The following TUT1 variants were observed in gnomAD, a reference collection of about 807,000 sequenced individuals.
The protein encoded by TUT1 is terminal uridylyl transferase 1, U6 snRNA-specific.
TUT1 carries 26 observed loss-of-function variants against 48.8 expected under a neutral mutation model. That is an observed-to-expected ratio of 0.53 (90% CI 0.39 to 0.74). The LOEUF (loss-of-function observed/expected upper bound fraction) is 0.74, where lower values mean the gene tolerates loss of function less well. Among genes scored for constraint, TUT1 ranks in the 30% least tolerant of loss-of-function variants. The pLI is 0.00. For missense variants in TUT1, 1,065 were observed against 1,114.8 expected, an observed-to-expected ratio of 0.96 and a Z score of 0.64; for synonymous variants, 470 against 460.8, an observed-to-expected ratio of 1.02 and a Z score of -0.26.
At chr11:62,579,056 A>C in intron 4 of TUT1, 26 bp from the exon 5 acceptor site, 1 of 1,470,078 alleles carries the variant, frequency 6.8e-7, no homozygotes, top group Admixed American at 2.5e-5. Context: ...AACTGAGTGA[A>C]ATGTTTCTGC....
chr11:62,585,440 A>G (rs1941895681), intron 2 of TUT1, among the ~76,000 whole-genome samples: 1 of 152,198 alleles, frequency 6.6e-6, no homozygotes, highest in Admixed American at 6.5e-5. Context: ...AAAGCCCCAG[A>G]TGGAAATTAA....
At chr11:62,583,141 A>G (rs1310079899) in intron 2 of TUT1, among the ~76,000 whole-genome samples, 1 of 151,926 alleles carries the variant, frequency 6.6e-6, no homozygotes, top group Non-Finnish European at 1.5e-5. Flanking sequence ...AAAAAAAAAA[A>G]AAAAAAAATC....
At chr11:62,581,983 A>C (rs1160971869) in intron 2 of TUT1, among the ~76,000 whole-genome samples, 2 of 151,896 alleles carry the variant, frequency 1.3e-5, no homozygotes, top group East Asian at 3.9e-4. Context: ...CCATCTCTAC[A>C]AACAATTTTT....
At chr11:62,583,504 G>A (rs1369480548) in intron 2 of TUT1, among the ~76,000 whole-genome samples, 1 of 151,940 alleles carries the variant, frequency 6.6e-6, no homozygotes. Flanking sequence ...AGCTACTCAG[G>A]AGGCAATTGC....
At chr11:62,576,553 A>G in intron 8 of TUT1, 104 bp downstream of exon 8, 4 of 1,050,770 alleles carry the variant, frequency 3.8e-6, no homozygotes, top group Non-Finnish European at 5.7e-6. Flanking sequence ...GGTATCTCAC[A>G]GGCTTTCTGT....
intron 2 of TUT1, among the ~76,000 whole-genome samples, chr11:62,587,403 A>G (rs935624254): frequency 1.6e-4 from 25 of 151,704 alleles, no homozygotes; most frequent in African/African-American, 6.1e-4. Flanking sequence ...CTGATCTCGA[A>G]CTCCCGACCT....
At chr11:62,576,872 A>G in intron 7 of TUT1, 35 bp downstream of exon 7, 1 of 1,606,414 alleles carries the variant, frequency 6.2e-7, no homozygotes, top group Non-Finnish European at 8.5e-7. Context: ...AGAGGAAACT[A>G]ACAAGATGGA....
intron 2 of TUT1, among the ~76,000 whole-genome samples, chr11:62,583,425 C>T (rs956278566): frequency 1.3e-5 from 2 of 152,040 alleles, no homozygotes; most frequent in African/African-American, 4.8e-5. Context: ...GCCTGACCAA[C>T]ATGGCAAAAC....
At chr11:62,585,560 G>C (rs1432160840) in intron 2 of TUT1, among the ~76,000 whole-genome samples, 1 of 152,228 alleles carries the variant, frequency 6.6e-6, no homozygotes. Flanking sequence ...AGCTGGGCGT[G>C]GTAGCTCATG....
intron 2 of TUT1, among the ~76,000 whole-genome samples, chr11:62,584,393 G>A (rs563904984): frequency 2.0e-5 from 3 of 151,574 alleles, no homozygotes; most frequent in East Asian, 3.9e-4. Flanking sequence ...CTCCCAGAGG[G>A]CTGGGATTAC....
rs1941778555 is a variant in TUT1, at chr11:62,578,926, T to C, written c.795A>G (p.Gln265=). 1 of 1,568,204 alleles carries C rather than the reference T, an allele frequency of 6.4e-7. No homozygotes were observed. Among genetic ancestry groups the C allele is most frequent in the Non-Finnish European group, 8.6e-7 (1 of 1,156,970 alleles). ...ACTPASPPDS[Q]PPASPQDSEA... Reference sequence around the variant, plus strand: ...CAGAATCCTGGGGAGAAGCAGGAGGTTGTGAATCTGGAGGGGAAGCTGGGG... The same window carrying C: ...CAGAATCCTGGGGAGAAGCAGGAGGCTGTGAATCTGGAGGGGAAGCTGGGG... Residue 265 remains glutamine (Q), a synonymous_variant, in exon 5 of 9, where the codon CAA becomes CAG. Coordinates refer to ENST00000476907, the MANE Select transcript of TUT1 (RefSeq NM_022830.3).
At chr11:62,587,307 G>A (rs558163250) in intron 2 of TUT1, among the ~76,000 whole-genome samples, 3 of 151,770 alleles carry the variant, frequency 2.0e-5, no homozygotes, top group South Asian at 4.2e-4. Context: ...TCAGCCTCCC[G>A]AGTAGCTGGG....
chr11:62,578,343 C>T (rs1475847415), intron 5 of TUT1, among the ~76,000 whole-genome samples: 1 of 151,992 alleles, frequency 6.6e-6, no homozygotes, highest in African/African-American at 2.4e-5. Flanking sequence ...GTCGGGAGTT[C>T]AAGACCAGCC....
intron 3 of TUT1, 30 bp from the exon 4 acceptor site, chr11:62,581,236 G>A: frequency 6.2e-7 from 1 of 1,607,806 alleles, no homozygotes; most frequent in Non-Finnish European, 8.5e-7. Flanking sequence ...GAAAGGTCAA[G>A]AGAAGTTAGG....
At position 62,581,396 on chromosome 11, in the gene TUT1, C is replaced by T. The variant is rs1211111226; in HGVS notation, c.579G>A (p.Glu193=). 1 of 1,601,870 alleles carries T rather than the reference C, an allele frequency of 6.2e-7. No individual in the cohort carries two copies. Among genetic ancestry groups the T allele is most frequent in the Non-Finnish European group, 8.5e-7 (1 of 1,174,732 alleles). The change falls in exon 3 of 9, where the codon GAG becomes GAA. Residue 193 remains glutamate (E), a synonymous_variant. Transcript: ENST00000476907. ...GGGGAGGTAACTTACCAGGGAAGAA[C>T]TCTGTGAAGACCTCCTGCATCAGGG... ...VVALMQEVFT[E]FFPGCVVHPF...
rs1565264474 is a variant in TUT1 at position 62,575,213 on chromosome 11, CAG to C, written c.2504_2505del (p.Ser835CysfsTer5). The C allele has an allele frequency of 6.2e-7, 1 of 1,613,334 alleles. No individual in the cohort carries two copies. The highest frequency in any genetic ancestry group is 2.2e-5 in the East Asian group (1 of 44,850). On this transcript the variant is annotated frameshift_variant, in exon 9 of 9. Coordinates refer to ENST00000476907, the MANE Select transcript of TUT1 (RefSeq NM_022830.3). LOFTEE classifies it high-confidence loss of function. ...GTGAGCATTCGGTCAGCCGGGGAGA[CAG>C]ACGCCACAAAGCTCAGCAGGGGCTC... ...ETEPLLSFVA[S>X]VSPADRMLTV... is the part of the protein sequence containing the mutation.
At position 62,576,696 on chromosome 11, in the gene TUT1, C is replaced by A. The variant is rs1941734933; in HGVS notation, c.1435G>T (p.Ala479Ser). 6.2e-7 allele frequency: 1 copy of A among 1,614,062 alleles called. No individual in the cohort carries two copies. The highest frequency in any genetic ancestry group is 8.5e-7 in the Non-Finnish European group (1 of 1,180,044). The change falls in exon 8 of 9, where the codon GCC becomes TCC. Residue 479 changes from alanine to serine, a missense_variant. Physicochemically the swap from Ala to Ser is moderately conservative, Grantham distance 99 (BLOSUM62 1). Transcript: ENST00000476907. ...TTTATGCTGGGCTCCAGTCTTGAGG[C>A]ATCCCTGGGGAAACTGCAGTCCCAG... ...DGWDCSFPRD[A>S]SRLEPSINVE...
rs575061588 is a variant in TUT1, at chr11:62,585,833, CGCCTGTAATCCCA to C, written c.273+3185_273+3197del. Reference sequence around the variant, plus strand: ...TAAACAGGCCTGGCACGGTGGCGCACGCCTGTAATCCCAGCCTGTAATCCCAGCACTTTGGGAG... The same window carrying C: ...TAAACAGGCCTGGCACGGTGGCGCACGCCTGTAATCCCAGCACTTTGGGAG... On this transcript the variant is annotated intron_variant, in intron 2 of 8. Transcript: ENST00000476907. Among the ~76,000 whole-genome samples, 41 of 151,764 alleles carry C rather than the reference CGCCTGTAATCCCA, an allele frequency of 2.7e-4. No homozygotes were observed. The East Asian group carries it at 6.6e-3, about 25-fold the overall frequency.
chr11:62,578,767 C>G lies in TUT1; in HGVS notation c.954G>C (p.Gly318=). ...CTAGTTCCGAGGCCTTCCCCAGGTC[C>G]CCCTCTTCCCTGTCCTCTAGCAGTG... is the stretch of plus-strand genomic sequence containing the variant. The part of the protein sequence containing the change: ...ASPLLEDREE[G]DLGKASELAE... The change falls in exon 5 of 9, where the codon GGG becomes GGC. Residue 318 remains glycine, a synonymous_variant. Transcript: ENST00000476907. 1.2e-6 allele frequency: 2 copies of G among 1,614,162 alleles called. No homozygotes were observed. The highest frequency in any genetic ancestry group is 1.7e-6 in the Non-Finnish European group (2 of 1,180,044).
Sources: allele counts gnomAD v4.1 joint callset (sites outside exome capture counted in the v4.1 genomes callset), GRCh38; gene constraint gnomAD v4.1.1; transcripts MANE v1.5; gene names NCBI Gene and HGNC (gene_info 2026-07-23, HGNC 2026-07-21).